The following PALS2 variants were observed in gnomAD, a reference collection of about 807,000 sequenced individuals.
PALS2 encodes protein associated with LIN7 2, MAGUK p55 family member.
Under a neutral mutation model 61.6 loss-of-function variants are expected in PALS2, and 27 were observed. The ratio of observed to expected loss-of-function variants is 0.44; its 90% CI spans 0.32 to 0.60. PALS2 has a LOEUF of 0.60. PALS2 is among the 20% of genes least tolerant of loss of function. The pLI is 0.05. For missense variants in PALS2, 554 were observed against 639.4 expected (o/e 0.87, Z 1.44); for synonymous variants, 236 against 218.6 (o/e 1.08, Z -0.70).
chr7:24,613,218 T>C (rs1784175310), intron 1 of PALS2, among the ~76,000 whole-genome samples: 1 of 151,754 alleles, frequency 6.6e-6, no homozygotes, highest in East Asian at 1.9e-4. Flanking sequence ...CTTAAATCTC[T>C]CCAGATCTCA....
intron 5 of PALS2, among the ~76,000 whole-genome samples, chr7:24,655,237 C>T (rs59059589): frequency 0.069 from 10,528 of 152,132 alleles, 448 homozygotes; most frequent in African/African-American, 0.11. Flanking sequence ...GCAATTCTTA[C>T]GTATGTACAG....
intron 2 of PALS2, among the ~76,000 whole-genome samples, chr7:24,631,702 A>G (rs545857103): frequency 2.2e-4 from 33 of 152,348 alleles, no homozygotes; most frequent in African/African-American, 7.2e-4. Flanking sequence ...AGAAATTGCC[A>G]CAGCCACCCA....
chr7:24,647,570 T>C (rs1435492357), intron 3 of PALS2, among the ~76,000 whole-genome samples: 1 of 152,200 alleles, frequency 6.6e-6, no homozygotes, highest in Admixed American at 6.5e-5. Context: ...TCATTAGAGG[T>C]TGCAAAATGA....
intron 1 of PALS2, among the ~76,000 whole-genome samples, chr7:24,615,645 A>G (rs1212473657): frequency 2.6e-5 from 4 of 151,800 alleles, no homozygotes; most frequent in African/African-American, 7.2e-5. Context: ...TGGCTTCACC[A>G]CTAAATTATC....
chr7:24,633,863 C>T (rs1385780713), intron 2 of PALS2, among the ~76,000 whole-genome samples: 1 of 152,102 alleles, frequency 6.6e-6, no homozygotes, highest in Non-Finnish European at 1.5e-5. Flanking sequence ...GTTCTAATAT[C>T]TCTGTATCAT....
At chr7:24,585,550 C>T (rs941835988) in intron 1 of PALS2, among the ~76,000 whole-genome samples, 8 of 152,088 alleles carry the variant, frequency 5.3e-5, no homozygotes, top group African/African-American at 1.7e-4. Context: ...ATAGCCAAGT[C>T]GGTATTTATA....
At chr7:24,593,311 C>G (rs966066049) in intron 1 of PALS2, among the ~76,000 whole-genome samples, 1 of 152,096 alleles carries the variant, frequency 6.6e-6, no homozygotes, top group African/African-American at 2.4e-5. Flanking sequence ...GTGACTTACC[C>G]ACTGAAGTCT....
intron 1 of PALS2, among the ~76,000 whole-genome samples, chr7:24,575,296 G>A (rs1015818083): frequency 1.4e-4 from 22 of 152,054 alleles, no homozygotes; most frequent in African/African-American, 5.3e-4. Context: ...AATCAACACT[G>A]GAAAAATTAA....
At chr7:24,680,657 G>GCA in intron 11 of PALS2, 137 bp downstream of exon 11, 3 of 1,153,252 alleles carry the variant, frequency 2.6e-6, no homozygotes, top group South Asian at 3.7e-5. Context: ...GTGCATTGAT[G>GCA]CGATCTCAGC....
intron 9 of PALS2, among the ~76,000 whole-genome samples, 183 bp from the exon 10 acceptor site, chr7:24,678,944 TAAAC>T (rs995335901): frequency 6.6e-6 from 1 of 152,172 alleles, no homozygotes; most frequent in African/African-American, 2.4e-5. Context: ...GTATGATACA[TAAAC>T]AAATGAGTAT....
At chr7:24,645,840 G>A (rs912274080) in intron 3 of PALS2, among the ~76,000 whole-genome samples, 6 of 152,046 alleles carry the variant, frequency 3.9e-5, no homozygotes, top group South Asian at 2.1e-4. Context: ...CACCTCCCTG[G>A]TTAGCTATGT....
intron 2 of PALS2, among the ~76,000 whole-genome samples, chr7:24,639,257 G>T (rs1051732024): frequency 5.9e-5 from 9 of 152,214 alleles, no homozygotes; most frequent in Admixed American, 5.9e-4. Context: ...AGTAAAGTAA[G>T]CTTTAATAGA....
At chr7:24,660,420 C>T (rs1786656408) in intron 5 of PALS2, among the ~76,000 whole-genome samples, 1 of 151,912 alleles carries the variant, frequency 6.6e-6, no homozygotes, top group Non-Finnish European at 1.5e-5. Context: ...CCTTTTTCAC[C>T]TTTCACCTCC....
chr7:24,622,379 T>A (rs1434850912), intron 1 of PALS2, among the ~76,000 whole-genome samples: 1 of 152,044 alleles, frequency 6.6e-6, no homozygotes, highest in Non-Finnish European at 1.5e-5. Context: ...ACAAATTTTG[T>A]ACTACTTCTG....
chr7:24,626,757 CA>C (rs1374945295), intron 2 of PALS2, among the ~76,000 whole-genome samples: 1 of 151,900 alleles, frequency 6.6e-6, no homozygotes, highest in Non-Finnish European at 1.5e-5. Context: ...GTTAAACCAA[CA>C]AAGATCAAAA....
At chr7:24,642,211 G>C (rs1489780423) in intron 3 of PALS2, among the ~76,000 whole-genome samples, 1 of 151,974 alleles carries the variant, frequency 6.6e-6, no homozygotes, top group East Asian at 1.9e-4. Context: ...TTCCCATTCT[G>C]TTTCTTAGTC....
chr7:24,621,041 A>C (rs1331314611), intron 1 of PALS2, among the ~76,000 whole-genome samples: 1 of 152,196 alleles, frequency 6.6e-6, no homozygotes, highest in Non-Finnish European at 1.5e-5. Flanking sequence ...TTATAGCCAC[A>C]GGACAAAAGT....
chr7:24,609,563 AT>A (rs1194866995), intron 1 of PALS2, among the ~76,000 whole-genome samples: 1 of 151,752 alleles, frequency 6.6e-6, no homozygotes, highest in Non-Finnish European at 1.5e-5. Flanking sequence ...GAAAAAAGGA[AT>A]TTTTTTCTCC....
intron 2 of PALS2, among the ~76,000 whole-genome samples, chr7:24,640,810 C>A (rs1185646658): frequency 6.6e-6 from 1 of 151,820 alleles, no homozygotes. Context: ...AGATCAAGAC[C>A]ATCCTGGCTA....
Sources: allele counts gnomAD v4.1 joint callset (sites outside exome capture counted in the v4.1 genomes callset), GRCh38; gene constraint gnomAD v4.1.1; transcripts MANE v1.5; gene names NCBI Gene and HGNC (gene_info 2026-07-23, HGNC 2026-07-21).